The following NBEA variants were observed in gnomAD, a reference collection of about 807,000 sequenced individuals.
NBEA encodes neurobeachin.
Under a neutral mutation model 343.4 loss-of-function variants are expected in NBEA, and 44 were observed. That is an observed-to-expected ratio of 0.13 (90% CI 0.10 to 0.16). The LOEUF (loss-of-function observed/expected upper bound fraction) is 0.16. Among genes scored for constraint, NBEA ranks in the 10% least tolerant of loss-of-function variants. The probability of loss-of-function intolerance (pLI) is 1.00; values close to 1 mark genes in which losing one functional copy is unlikely to be tolerated. For synonymous variants in NBEA, 1,175 were observed against 1,238.7 expected, an observed-to-expected ratio of 0.95 and a Z score of 1.08; for missense variants, 2,555 against 3,631.3, an observed-to-expected ratio of 0.70 and a Z score of 7.62.
chr13:35,387,500 G>A (rs371680444), intron 38 of NBEA, among the ~76,000 whole-genome samples: 48 of 151,760 alleles, frequency 3.2e-4, no homozygotes, highest in African/African-American at 1.0e-3. Context: ...CAAAAACAAC[G>A]AAAACAAAAA....
intron 8 of NBEA, among the ~76,000 whole-genome samples, chr13:35,068,426 TCAG>T (rs757384239): frequency 1.3e-5 from 2 of 152,188 alleles, no homozygotes; most frequent in Non-Finnish European, 2.9e-5. Context: ...TACAAATGTT[TCAG>T]CAGTGGTAAA....
At chr13:35,492,880 A>G (rs572466422) in intron 41 of NBEA, among the ~76,000 whole-genome samples, 84 of 151,986 alleles carry the variant, frequency 5.5e-4, no homozygotes, top group African/African-American at 2.0e-3. Context: ...ACGATGCTGA[A>G]TCCTGCTTTA....
chr13:35,567,554 G>C (rs1209635723), intron 45 of NBEA, among the ~76,000 whole-genome samples: 1 of 152,156 alleles, frequency 6.6e-6, no homozygotes, highest in Non-Finnish European at 1.5e-5. Flanking sequence ...TTGTCCAGAG[G>C]AAACTACAGT....
chr13:35,655,745 C>G lies in NBEA; in HGVS notation c.8358C>G (p.Asn2786Lys). ...ACCATATCATAGGAGACAACCCTAA[C>G]AGCAGTGAGTGTTTGTATCAAATTT... ...GRHHIIGDNPNSSDYPAPRAV... is the reference protein window; with the variant it reads ...GRHHIIGDNPKSSDYPAPRAV... Residue 2786 changes from asparagine to lysine, a missense_variant, in exon 55 of 59, where the codon AAC (asparagine) becomes AAG (lysine). Physicochemically the swap from Asn to Lys is moderately conservative, Grantham distance 94 (BLOSUM62 0). This residue lies in a region of NBEA where 186 missense variants were observed against 328.9 expected (regional missense o/e 0.57). Coordinates refer to ENST00000379939, the MANE Select transcript of NBEA (RefSeq NM_001385012.1). 6.2e-7 allele frequency: 1 copy of G among 1,610,730 alleles called. No individual in the cohort carries two copies. The highest frequency in any genetic ancestry group is 2.2e-5 in the East Asian group (1 of 44,858).
intron 1 of NBEA, among the ~76,000 whole-genome samples, chr13:35,000,716 A>T (rs1414688254): frequency 6.6e-6 from 1 of 151,896 alleles, no homozygotes; most frequent in African/African-American, 2.4e-5. Flanking sequence ...GGGAGGTGTG[A>T]AGGTCAAGTG....
intron 35 of NBEA, among the ~76,000 whole-genome samples, chr13:35,305,949 T>G (rs1186863483): frequency 6.6e-6 from 1 of 152,196 alleles, no homozygotes; most frequent in East Asian, 1.9e-4. Context: ...TTCATAATTT[T>G]GAAACTGGCT....
intron 38 of NBEA, among the ~76,000 whole-genome samples, chr13:35,381,040 T>C (rs1363870769): frequency 6.6e-6 from 1 of 152,138 alleles, no homozygotes; most frequent in Admixed American, 6.5e-5. Context: ...GCCATATGAT[T>C]TTTCTTTTTT....
In NBEA at chr13:35,555,099, G is replaced by A; in HGVS notation, c.6919G>A (p.Ala2307Thr). 1 of 1,541,864 alleles carries A rather than the reference G, an allele frequency of 6.5e-7. No individual in the cohort carries two copies. The highest frequency in any genetic ancestry group is 8.9e-7 in the Non-Finnish European group (1 of 1,117,700). The part of the protein sequence containing the change: ...FEYLMFLNTI[A>T]GRTYNDLNQY... ...ATATTTGATGTTCCTTAATACTATT[G>A]CAGGTAAGATGTCTCATTCTTTAAT... The change falls in exon 44 of 59, where the codon GCA becomes ACA. Residue 2307 changes from alanine to threonine, a missense_variant. Around this residue, in one of 21 missense-constraint regions of NBEA, gnomAD observed 38 missense variants for 97.2 expected, o/e 0.39. Coordinates refer to ENST00000379939, the MANE Select transcript of NBEA (RefSeq NM_001385012.1).
intron 41 of NBEA, among the ~76,000 whole-genome samples, chr13:35,525,496 G>A (rs9530670): frequency 0.16 from 24,026 of 151,966 alleles, 2,089 homozygotes; most frequent in East Asian, 0.34. Flanking sequence ...GAGGTTGCAG[G>A]AAGCCAAGAT....
chr13:35,453,062 A>G (rs2046385345), intron 40 of NBEA, among the ~76,000 whole-genome samples: 1 of 152,180 alleles, frequency 6.6e-6, no homozygotes, highest in Non-Finnish European at 1.5e-5. Flanking sequence ...GCAGGTGGCA[A>G]TAGAGAGGTG....
intron 52 of NBEA, among the ~76,000 whole-genome samples, chr13:35,650,135 A>G (rs934980547): frequency 6.6e-6 from 1 of 152,186 alleles, no homozygotes; most frequent in African/African-American, 2.4e-5. Context: ...CTATTCTGCT[A>G]TTGCCTAACT....
At chr13:35,505,120 A>G (rs1340567107) in intron 41 of NBEA, among the ~76,000 whole-genome samples, 4 of 152,158 alleles carry the variant, frequency 2.6e-5, no homozygotes, top group Non-Finnish European at 5.9e-5. Context: ...AGGCTATGCC[A>G]TTAGCATACA....
intron 1 of NBEA, among the ~76,000 whole-genome samples, chr13:34,981,152 A>G (rs1359898325): frequency 1.3e-5 from 2 of 152,116 alleles, no homozygotes; most frequent in Non-Finnish European, 2.9e-5. Context: ...GACATTTTGT[A>G]TCCATGGAGT....
intron 1 of NBEA, among the ~76,000 whole-genome samples, chr13:35,004,617 C>T (rs549762417): frequency 2.2e-4 from 34 of 152,206 alleles, no homozygotes; most frequent in African/African-American, 8.2e-4. Flanking sequence ...TTGGGGATAT[C>T]GCTGTATTTT....
At chr13:35,389,376 T>C (rs2152898268) in intron 38 of NBEA, among the ~76,000 whole-genome samples, 1 of 152,254 alleles carries the variant, frequency 6.6e-6, no homozygotes, top group African/African-American at 2.4e-5. Flanking sequence ...TAACCGTTGC[T>C]TTTTCCCCCT....
intron 43 of NBEA, among the ~76,000 whole-genome samples, chr13:35,552,709 T>G (rs1390558684): frequency 6.6e-6 from 1 of 152,184 alleles, no homozygotes; most frequent in African/African-American, 2.4e-5. Context: ...TGACCATGAT[T>G]CCTGAAAGAT....
chr13:35,602,889 G>A (rs1025912623), intron 47 of NBEA, among the ~76,000 whole-genome samples: 35 of 152,170 alleles, frequency 2.3e-4, no homozygotes, highest in African/African-American at 8.4e-4. Context: ...GTGGAGGCCA[G>A]CTGTTAGTGC....
At chr13:34,946,241 A>G (rs898462581) in intron 1 of NBEA, among the ~76,000 whole-genome samples, 3 of 152,144 alleles carry the variant, frequency 2.0e-5, no homozygotes, top group Non-Finnish European at 4.4e-5. Context: ...AAGTGGCAAT[A>G]TAAGAGAATT....
At chr13:34,943,757 A>G (rs893082594) in intron 1 of NBEA, among the ~76,000 whole-genome samples, 6 of 152,220 alleles carry the variant, frequency 3.9e-5, no homozygotes, top group East Asian at 1.9e-4. Flanking sequence ...TCTCTTAGTC[A>G]TTTTTTGTGC....
Sources: allele counts gnomAD v4.1 joint callset (sites outside exome capture counted in the v4.1 genomes callset), GRCh38; gene constraint gnomAD v4.1.1; regional missense constraint gnomAD v4.1.1; transcripts MANE v1.5; gene names NCBI Gene and HGNC (gene_info 2026-07-23, HGNC 2026-07-21).